Variants in PDE8A observed in about 807,000 individuals in gnomAD.
PDE8A encodes the protein phosphodiesterase 8A.
In PDE8A, 59 loss-of-function variants were observed where a neutral mutation model predicts 105.0. The observed-to-expected ratio is 0.56, with a 90% confidence interval of 0.46 to 0.70. The LOEUF (loss-of-function observed/expected upper bound fraction) is 0.70, where lower values mean the gene tolerates loss of function less well. Among genes scored for constraint, PDE8A ranks in the 30% least tolerant of loss-of-function variants. The pLI is 0.00. For synonymous variants in PDE8A, 355 were observed against 371.9 expected (o/e 0.95, Z 0.52); for missense variants, 1,014 against 1,045.9 (o/e 0.97, Z 0.42).
rs543719767 is a variant in PDE8A at position 85,109,421 on chromosome 15, A to G, written c.1114+291A>G. 2.2e-4 allele frequency among the ~76,000 whole-genome samples: 33 copies of G among 152,374 alleles called. No individual in the cohort carries two copies. In the East Asian group the frequency reaches 6.2e-3, roughly 28 times the overall value. On this transcript the variant is annotated intron_variant, in intron 12 of 21. Transcript: ENST00000394553. ...AGCAGAAGATGTCAGTTCATCTGCT[A>G]TAATTGTTTGAATTTGATAATTCTT...
intron 2 of PDE8A, among the ~76,000 whole-genome samples, chr15:85,066,652 A>T (rs1261744353): frequency 1.4e-5 from 2 of 146,548 alleles, no homozygotes; most frequent in Non-Finnish European, 3.0e-5. Context: ...AGAAATGACG[A>T]TTCTGACCAG....
chr15:85,010,165 A>G lies in PDE8A; in HGVS notation c.186+27817A>G, dbSNP rs28369034. Among the ~76,000 whole-genome samples, 519 of 152,258 alleles carry G rather than the reference A, an allele frequency of 3.4e-3. 1 individual carries two copies. The highest frequency in any genetic ancestry group is 0.012 in the African/African-American group (489 of 41,554). ...AGGCTTGAGGGCTTTTGAATGTTCTATTTTTGACCTAGGTGGTAATTATAT... is the reference window on the plus strand; with the variant it reads ...AGGCTTGAGGGCTTTTGAATGTTCTGTTTTTGACCTAGGTGGTAATTATAT... On this transcript the variant is annotated intron_variant, in intron 1 of 21. Coordinates refer to ENST00000394553, the MANE Select transcript of PDE8A (RefSeq NM_002605.3).
At chr15:85,012,556 G>A (rs1195192283) in intron 1 of PDE8A, among the ~76,000 whole-genome samples, 6 of 145,856 alleles carry the variant, frequency 4.1e-5, no homozygotes, top group Non-Finnish European at 6.0e-5. Flanking sequence ...TGTGGGTTGG[G>A]GGGAGGGGGG....
At chr15:85,065,886 C>T (rs950743593) in intron 2 of PDE8A, among the ~76,000 whole-genome samples, 2 of 152,344 alleles carry the variant, frequency 1.3e-5, no homozygotes, top group South Asian at 4.1e-4. Flanking sequence ...CCAGGACTGA[C>T]GTGATTGGGG....
intron 1 of PDE8A, among the ~76,000 whole-genome samples, chr15:85,029,226 G>A (rs763652433): frequency 3.9e-5 from 6 of 151,964 alleles, no homozygotes; most frequent in Non-Finnish European, 8.8e-5. Flanking sequence ...TATGTTAACC[G>A]TAGGTAGTAG....
chr15:85,051,020 A>G (rs758780286), intron 1 of PDE8A, among the ~76,000 whole-genome samples: 5 of 152,048 alleles, frequency 3.3e-5, no homozygotes, highest in Non-Finnish European at 7.4e-5. Flanking sequence ...CAAATCTTTC[A>G]CCTCCTTGGT....
Position 85,126,317 on chromosome 15 carries a change from A to AC in PDE8A, c.2200dup (p.Leu734ProfsTer20). ...GTGCTGATGTGTCCAATCCCTGCCGACCCCTGCAGTACTGCATCGAGTGGG... is the reference window on the plus strand; with the variant it reads ...GTGCTGATGTGTCCAATCCCTGCCGACCCCCTGCAGTACTGCATCGAGTGGG... On this transcript the variant is annotated frameshift_variant, in exon 20 of 22. Transcript: ENST00000394553. LOFTEE classifies it high-confidence loss of function. 3.7e-6 allele frequency: 6 copies of AC among 1,612,410 alleles called. No individual in the cohort carries two copies. The highest frequency in any genetic ancestry group is 5.1e-6 in the Non-Finnish European group (6 of 1,179,292).
At chr15:85,032,106 G>A (rs947814764) in intron 1 of PDE8A, among the ~76,000 whole-genome samples, 1 of 152,194 alleles carries the variant, frequency 6.6e-6, no homozygotes, top group Non-Finnish European at 1.5e-5. Context: ...CACAGCCATA[G>A]CCAGCTTTGA....
chr15:85,061,781 A>C (rs189962200), intron 1 of PDE8A, among the ~76,000 whole-genome samples: 35 of 151,872 alleles, frequency 2.3e-4, no homozygotes, highest in Admixed American at 1.3e-3. Flanking sequence ...TCTGTTCACT[A>C]TTTTTTTAAA....
At chr15:85,056,148 C>T (rs1476707769) in intron 1 of PDE8A, among the ~76,000 whole-genome samples, 2 of 152,330 alleles carry the variant, frequency 1.3e-5, no homozygotes, top group East Asian at 3.9e-4. Context: ...CCACCCTCTT[C>T]TGGCTTGTAG....
At chr15:85,059,321 G>A (rs555412474) in intron 1 of PDE8A, among the ~76,000 whole-genome samples, 24 of 152,264 alleles carry the variant, frequency 1.6e-4, no homozygotes, top group African/African-American at 5.5e-4. Flanking sequence ...ATGTGCACTT[G>A]AGGAAAATAT....
chr15:85,019,522 C>A (rs766061655), intron 1 of PDE8A, among the ~76,000 whole-genome samples: 4 of 152,092 alleles, frequency 2.6e-5, no homozygotes, highest in Admixed American at 1.3e-4. Context: ...TACCGAATAG[C>A]TGGCATTACA....
At chr15:85,018,347 TGAG>T (rs2080363646) in intron 1 of PDE8A, among the ~76,000 whole-genome samples, 1 of 152,214 alleles carries the variant, frequency 6.6e-6, no homozygotes, top group Admixed American at 6.5e-5. Flanking sequence ...ATTTCTTCCT[TGAG>T]GATTTTTTGT....
chr15:85,131,835 C>CT (rs1157449290), intron 20 of PDE8A, among the ~76,000 whole-genome samples: 1 of 152,068 alleles, frequency 6.6e-6, no homozygotes, highest in Non-Finnish European at 1.5e-5. Flanking sequence ...CTTAATTCCT[C>CT]TTTTTTGCAG....
intron 1 of PDE8A, among the ~76,000 whole-genome samples, chr15:85,001,566 G>A (rs2080068029): frequency 2.6e-5 from 4 of 152,140 alleles, no homozygotes; most frequent in Admixed American, 2.0e-4. Context: ...CCTAGGGACT[G>A]GAAGAGCATG....
At chr15:85,078,187 TA>T (rs1279798647) in intron 5 of PDE8A, among the ~76,000 whole-genome samples, 2 of 141,018 alleles carry the variant, frequency 1.4e-5, no homozygotes, top group East Asian at 4.1e-4. Context: ...CAGCCACAGG[TA>T]AAAGATTACC....
chr15:85,061,321 C>A (rs1393895510), intron 1 of PDE8A, among the ~76,000 whole-genome samples: 1 of 152,008 alleles, frequency 6.6e-6, no homozygotes, highest in Non-Finnish European at 1.5e-5. Context: ...GCAACTTCTG[C>A]CTCCCAGGTT....
At chr15:85,114,454 A>G (rs2082064971) in intron 14 of PDE8A, among the ~76,000 whole-genome samples, 1 of 152,216 alleles carries the variant, frequency 6.6e-6, no homozygotes, top group African/African-American at 2.4e-5. Flanking sequence ...TGGCCTTCAA[A>G]GCATCCCACA....
chr15:85,076,848 G>A (rs2081387547), intron 5 of PDE8A, 61 bp downstream of exon 5: 2 of 1,060,556 alleles, frequency 1.9e-6, no homozygotes, highest in Admixed American at 1.7e-5. Flanking sequence ...TTTTATCTCA[G>A]TTCAGTACCC....
Sources: gnomAD v4.1 joint callset for allele counts (sites outside exome capture counted in the v4.1 genomes callset) on GRCh38, gnomAD v4.1.1 for gene constraint, MANE v1.5 for transcripts, NCBI Gene and HGNC (gene_info 2026-07-23, HGNC 2026-07-21) for gene names.